The following JAZF1 variants were observed in gnomAD, a reference collection of about 807,000 sequenced individuals.
JAZF1 encodes the protein JAZF zinc finger 1, also known as juxtaposed with another zinc finger protein 1.
Under a neutral mutation model 26.4 loss-of-function variants are expected in JAZF1, and 8 were observed. The ratio of observed to expected loss-of-function variants is 0.30; its 90% CI spans 0.18 to 0.55. The LOEUF (loss-of-function observed/expected upper bound fraction) is 0.55, where lower values mean the gene tolerates loss of function less well. JAZF1 is among the 20% of genes least tolerant of loss of function. The pLI, the probability that JAZF1 is intolerant of heterozygous loss-of-function variation, is 0.94. For missense variants in JAZF1, 199 were observed against 322.0 expected, an observed-to-expected ratio of 0.62 and a Z score of 2.92; for synonymous variants, 126 against 122.3, an observed-to-expected ratio of 1.03 and a Z score of -0.20.
intron 1 of JAZF1, among the ~76,000 whole-genome samples, chr7:28,121,062 T>TGGTG (rs1782593889): frequency 6.6e-6 from 1 of 151,732 alleles, no homozygotes; most frequent in South Asian, 2.1e-4. Flanking sequence ...TAGCCAAGCA[T>TGGTG]GGTGGCACAT....
At chr7:28,131,699 CA>C (rs1782796245) in intron 1 of JAZF1, among the ~76,000 whole-genome samples, 1 of 152,164 alleles carries the variant, frequency 6.6e-6, no homozygotes, top group Non-Finnish European at 1.5e-5. Flanking sequence ...TATCCCAGAG[CA>C]GTATCCTACA....
At chr7:27,863,596 A>T (rs2391489) in intron 3 of JAZF1, among the ~76,000 whole-genome samples, 3 of 152,128 alleles carry the variant, frequency 2.0e-5, no homozygotes, top group South Asian at 2.1e-4. Context: ...TTCTTCCCCC[A>T]GCACTGGAAT....
intron 3 of JAZF1, among the ~76,000 whole-genome samples, chr7:27,855,372 G>T (rs550094949): frequency 6.6e-6 from 1 of 152,070 alleles, no homozygotes; most frequent in African/African-American, 2.4e-5. Flanking sequence ...AAATAACTAA[G>T]AGCAGAACTG....
chr7:28,104,605 C>A (rs961632888), intron 1 of JAZF1, among the ~76,000 whole-genome samples: 2 of 152,156 alleles, frequency 1.3e-5, no homozygotes, highest in African/African-American at 4.8e-5. Context: ...CCCAGTTCTG[C>A]CAGATGTGGC....
chr7:28,090,062 G>A (rs1784269795), intron 1 of JAZF1, among the ~76,000 whole-genome samples: 1 of 152,234 alleles, frequency 6.6e-6, no homozygotes, highest in African/African-American at 2.4e-5. Context: ...GCCATTGTCA[G>A]TCAAGAATCA....
Position 28,120,501 on chromosome 7 carries a change from C to CTTTTTTTTTTTTTTT in JAZF1, c.115+59947_115+59961dup, listed in dbSNP as rs58448766. Among the ~76,000 whole-genome samples the CTTTTTTTTTTTTTTT allele has an allele frequency of 3.9e-3, 228 of 59,008 alleles. 61 individuals carry two copies. Among genetic ancestry groups the CTTTTTTTTTTTTTTT allele is most frequent in the South Asian group, 0.014 (14 of 966 alleles). 38.7% of individuals were successfully genotyped at this position (59,008 alleles called of 152,430 possible). ...TCTGAACCACTAGCCACACACAGTT[C>CTTTTTTTTTTTTTTT]TTTTTTTTTTTTTTTTTTTTTTTTT... On this transcript the variant is annotated intron_variant, in intron 1 of 4. Transcript: ENST00000283928.
At chr7:28,134,986 T>C (rs1374176786) in intron 1 of JAZF1, among the ~76,000 whole-genome samples, 1 of 152,242 alleles carries the variant, frequency 6.6e-6, no homozygotes, top group African/African-American at 2.4e-5. Flanking sequence ...GCACAAATTA[T>C]ACTTGCACTA....
intron 1 of JAZF1, among the ~76,000 whole-genome samples, chr7:28,098,058 T>G (rs909872802): frequency 5.9e-5 from 9 of 152,220 alleles, no homozygotes; most frequent in African/African-American, 2.2e-4. Context: ...ACTGAATGTC[T>G]GTGTCCCCTT....
chr7:28,050,998 G>A (rs971772961), intron 1 of JAZF1, among the ~76,000 whole-genome samples: 4 of 151,704 alleles, frequency 2.6e-5, no homozygotes, highest in African/African-American at 9.7e-5. Context: ...CAGGCATGGT[G>A]GTGTGCACCT....
At chr7:27,978,290 C>T (rs957108140) in intron 2 of JAZF1, among the ~76,000 whole-genome samples, 1 of 152,184 alleles carries the variant, frequency 6.6e-6, no homozygotes, top group Non-Finnish European at 1.5e-5. Flanking sequence ...TGCTCCTATA[C>T]TCTTAACCAC....
At position 28,049,439 on chromosome 7, in the gene JAZF1, G is replaced by A. The variant is rs79181888; in HGVS notation, c.116-57458C>T. On this transcript the variant is annotated intron_variant, in intron 1 of 4. Coordinates refer to ENST00000283928, the MANE Select transcript of JAZF1 (RefSeq NM_175061.4). ...CAGTACTTCACTTCCGACACCAGATGTGTGGGGTTTTCTCCCTTACACCAA... is the reference window on the plus strand; with the variant it reads ...CAGTACTTCACTTCCGACACCAGATATGTGGGGTTTTCTCCCTTACACCAA... 0.027 allele frequency among the ~76,000 whole-genome samples: 4,097 copies of A among 152,138 alleles called. 298 individuals are homozygous for A. In the East Asian group the frequency reaches 0.31, roughly 12 times the overall value.
intron 1 of JAZF1, among the ~76,000 whole-genome samples, chr7:28,101,041 A>T (rs1387517023): frequency 6.6e-6 from 1 of 152,248 alleles, no homozygotes; most frequent in Non-Finnish European, 1.5e-5. Context: ...TAAAAATATC[A>T]TAGTGATTTT....
At position 28,092,300 on chromosome 7, in the gene JAZF1, A is replaced by C. The variant is rs930439758; in HGVS notation, c.115+88163T>G. On this transcript the variant is annotated intron_variant, in intron 1 of 4. Coordinates refer to ENST00000283928, the MANE Select transcript of JAZF1 (RefSeq NM_175061.4). The stretch of plus-strand genomic sequence containing the variant: ...TTCAGGGACAAAAGGCAAAAAAAAA[A>C]AAAAAAAAAAAAAAAAAAAAAAAAA... 3.7e-5 allele frequency among the ~76,000 whole-genome samples: 4 copies of C among 107,914 alleles called. No individual in the cohort carries two copies. In the East Asian group the frequency reaches 2.5e-3, roughly 66 times the overall value. The allele number at this position is 107,914 out of a possible 152,430, so 70.8% of individuals were successfully genotyped here.
At chr7:28,156,335 T>C (rs568683421) in intron 1 of JAZF1, among the ~76,000 whole-genome samples, 1 of 152,334 alleles carries the variant, frequency 6.6e-6, no homozygotes, top group South Asian at 2.1e-4. Context: ...ACCTGGCCAA[T>C]TGCATGGGGA....
chr7:27,940,538 C>G (rs140581839), intron 2 of JAZF1, among the ~76,000 whole-genome samples: 574 of 152,314 alleles, frequency 3.8e-3, no homozygotes, highest in Non-Finnish European at 4.4e-3. Flanking sequence ...AGGCATTGAA[C>G]AAAAGCTCTC....
At chr7:28,119,266 T>C (rs1389151823) in intron 1 of JAZF1, among the ~76,000 whole-genome samples, 1 of 152,098 alleles carries the variant, frequency 6.6e-6, no homozygotes, top group Non-Finnish European at 1.5e-5. Flanking sequence ...TGCAAGTAAG[T>C]GCCTAATGGA....
intron 1 of JAZF1, among the ~76,000 whole-genome samples, chr7:28,058,128 G>C (rs556593987): frequency 1.3e-5 from 2 of 152,156 alleles, no homozygotes; most frequent in Admixed American, 6.5e-5. Context: ...AAGTGAAGGC[G>C]GTGGTACTGA....
chr7:28,124,217 T>C (rs1047767007), intron 1 of JAZF1, among the ~76,000 whole-genome samples: 1 of 152,030 alleles, frequency 6.6e-6, no homozygotes, highest in East Asian at 1.9e-4. Flanking sequence ...GGAGTGTGCA[T>C]GCACAGAGGA....
chr7:28,041,999 GTGGGGTCACCCAAGGA>G (rs1783400208), intron 1 of JAZF1, among the ~76,000 whole-genome samples: 1 of 152,218 alleles, frequency 6.6e-6, no homozygotes, highest in African/African-American at 2.4e-5. Context: ...GTCACAGATG[GTGGGGTCACCCAAGGA>G]AAATAAAGCC....
Sources: allele counts gnomAD v4.1 joint callset (sites outside exome capture counted in the v4.1 genomes callset), GRCh38; gene constraint gnomAD v4.1.1; transcripts MANE v1.5; gene names NCBI Gene and HGNC (gene_info 2026-07-23, HGNC 2026-07-21).